The following MLXIP variants were observed in gnomAD, a reference collection of about 807,000 sequenced individuals.
MLXIP encodes MLX interacting protein.
MLXIP carries 30 observed loss-of-function variants against 87.2 expected under a neutral mutation model. That is an observed-to-expected ratio of 0.34 (90% CI 0.26 to 0.47). The LOEUF (loss-of-function observed/expected upper bound fraction) is 0.47. Among genes scored for constraint, MLXIP ranks in the 20% least tolerant of loss-of-function variants. The pLI is 1.00. For synonymous variants in MLXIP, 530 were observed against 514.0 expected, an observed-to-expected ratio of 1.03 and a Z score of -0.42; for missense variants, 1,002 against 1,240.1, an observed-to-expected ratio of 0.81 and a Z score of 2.88.
At chr12:122,121,096 G>A (rs1219655100) in intron 1 of MLXIP, among the ~76,000 whole-genome samples, 7 of 137,700 alleles carry the variant, frequency 5.1e-5, no homozygotes, top group Non-Finnish European at 9.1e-5. Context: ...TGCAACCTCC[G>A]CCTCCCAGGT....
Position 122,137,411 on chromosome 12 carries a change from C to A in MLXIP, c.2033-58C>A. ...TAACCCTGCAGAGACCCCAGGCTGC[C>A]TCCTGGTGGCGTTGAGGGGCCAGGC... On this transcript the variant is annotated intron_variant, in intron 11 of 16. Coordinates refer to ENST00000319080, the MANE Select transcript of MLXIP (RefSeq NM_014938.6). This position sits in a 1 kb window ranked among gnomAD's most constrained non-coding sequence, Gnocchi z 4.1. 2 of 1,573,788 alleles carry A rather than the reference C, an allele frequency of 1.3e-6. No homozygotes were observed. The highest frequency in any genetic ancestry group is 8.6e-7 in the Non-Finnish European group (1 of 1,160,390).
intron 5 of MLXIP, 66 bp from the exon 6 acceptor site, chr12:122,129,875 G>A (rs894952377): frequency 7.1e-6 from 11 of 1,549,454 alleles, no homozygotes; most frequent in Admixed American, 5.4e-5. Context: ...CAGGTGACAG[G>A]CGTGGGAATT....
chr12:122,139,130 A>G lies in MLXIP; in HGVS notation c.2508+192A>G, dbSNP rs563572661. ...CCTGCTGTGTGGGCTGGAGGTGCTG[A>G]TGGGGCTTCAGGGTGCTTTGCAGGA... On this transcript the variant is annotated intron_variant, in intron 15 of 16. Coordinates refer to ENST00000319080, the MANE Select transcript of MLXIP (RefSeq NM_014938.6). The G allele has an allele frequency of 2.7e-5, 11 of 414,318 alleles. No homozygotes were observed. The South Asian group carries it at 1.1e-3, about 41-fold the overall frequency. 25.7% of individuals were successfully genotyped at this position (414,318 alleles called of 1,614,324 possible).
At chr12:122,097,853 C>CA (rs199868084) in intron 1 of MLXIP, among the ~76,000 whole-genome samples, 8 of 151,824 alleles carry the variant, frequency 5.3e-5, no homozygotes, top group East Asian at 1.9e-4. Flanking sequence ...GGTTCCCCCT[C>CA]CCCACAAGAA....
intron 1 of MLXIP, among the ~76,000 whole-genome samples, chr12:122,099,977 CCCG>C (rs1952413244): frequency 6.6e-6 from 1 of 152,130 alleles, no homozygotes; most frequent in Non-Finnish European, 1.5e-5. Flanking sequence ...GTGGTTATAC[CCCG>C]ACATTTGAAG....
At chr12:122,136,741 C>T (rs556064322) in intron 11 of MLXIP, 1 of 152,296 alleles carries the variant, frequency 6.6e-6, no homozygotes, top group Non-Finnish European at 1.5e-5. Context: ...TGGGCTCAGC[C>T]AGCAGGGGCC....
chr12:122,134,120 TAAATG>T (rs1319078230), intron 9 of MLXIP, 133 bp downstream of exon 9: 5 of 1,049,382 alleles, frequency 4.8e-6, no homozygotes, highest in Admixed American at 6.5e-5. Flanking sequence ...CACATACACT[TAAATG>T]AAACAAAAGT....
intron 1 of MLXIP, among the ~76,000 whole-genome samples, chr12:122,116,865 G>A (rs1339302331): frequency 6.6e-6 from 1 of 152,202 alleles, no homozygotes; most frequent in African/African-American, 2.4e-5. Flanking sequence ...GGCCAGAAAT[G>A]GAACCACTCT....
intron 1 of MLXIP, among the ~76,000 whole-genome samples, chr12:122,109,302 G>A (rs534718673): frequency 3.3e-5 from 5 of 152,264 alleles, no homozygotes; most frequent in Non-Finnish European, 5.9e-5. Flanking sequence ...CTCCTGACCT[G>A]AAGTGATCCG....
At chr12:122,096,912 G>T (rs1270450858) in intron 1 of MLXIP, among the ~76,000 whole-genome samples, 1 of 152,230 alleles carries the variant, frequency 6.6e-6, no homozygotes, top group Non-Finnish European at 1.5e-5. Flanking sequence ...GAATGCTGCG[G>T]GTACATGTCC....
rs745833122 is a variant in MLXIP at position 122,135,698 on chromosome 12, A to T, written c.2032+32A>T. 2 of 1,459,442 alleles carry T rather than the reference A, an allele frequency of 1.4e-6. No individual in the cohort carries two copies. The highest frequency in any genetic ancestry group is 1.8e-6 in the Non-Finnish European group (2 of 1,107,046). The allele number at this position is 1,459,442 out of a possible 1,614,324, so 90.4% of individuals were successfully genotyped here. On this transcript the variant is annotated intron_variant, in intron 11 of 16. Coordinates refer to ENST00000319080, the MANE Select transcript of MLXIP (RefSeq NM_014938.6). The surrounding 1 kb of genome is among the most constrained non-coding windows in gnomAD (Gnocchi z 5.3). ...GTTCACTCGGCGGGATGGTTGGGGC[A>T]TCGCAAGGGAAGTAACTGGGCCTGC...
At chr12:122,130,223 G>A (rs141974081) in intron 6 of MLXIP, 111 bp downstream of exon 6, 26,341 of 1,132,036 alleles carry the variant, frequency 0.023, 392 homozygotes, top group Non-Finnish European at 0.028. Flanking sequence ...TGCACGTCAC[G>A]GTTGGGGGCA....
At chr12:122,128,145 G>A (rs889313888) in intron 3 of MLXIP, 177 bp downstream of exon 3, 7 of 591,434 alleles carry the variant, frequency 1.2e-5, no homozygotes, top group Non-Finnish European at 2.1e-5. Context: ...GCAACCCCAG[G>A]CTGCAGAGCC....
chr12:122,101,191 G>A (rs1435934430), intron 1 of MLXIP, among the ~76,000 whole-genome samples: 1 of 152,162 alleles, frequency 6.6e-6, no homozygotes, highest in Non-Finnish European at 1.5e-5. Context: ...TTCTGTGGAG[G>A]TTCTTTTCCT....
At chr12:122,113,026 A>G (rs1952628608) in intron 1 of MLXIP, among the ~76,000 whole-genome samples, 2 of 152,244 alleles carry the variant, frequency 1.3e-5, no homozygotes, top group Non-Finnish European at 2.9e-5. Flanking sequence ...TGTTTATCAC[A>G]GCATTGTTTA....
chr12:122,102,066 G>A (rs1952446803), intron 1 of MLXIP, among the ~76,000 whole-genome samples: 1 of 152,092 alleles, frequency 6.6e-6, no homozygotes, highest in Non-Finnish European at 1.5e-5. Context: ...TCTCAAAAGT[G>A]AAACTACAAG....
At chr12:122,126,574 G>A (rs1336686459) in intron 1 of MLXIP, among the ~76,000 whole-genome samples, 3 of 152,138 alleles carry the variant, frequency 2.0e-5, no homozygotes, top group Non-Finnish European at 1.5e-5. Context: ...TGGGATGCTC[G>A]GGTACTTGGA....
At chr12:122,093,149 T>G (rs1952274316) in intron 1 of MLXIP, among the ~76,000 whole-genome samples, 1 of 146,290 alleles carries the variant, frequency 6.8e-6, no homozygotes, top group Non-Finnish European at 1.5e-5. Context: ...ATGTGTGTGT[T>G]GGCGTGTAGG....
At chr12:122,098,814 C>T (rs1242416686) in intron 1 of MLXIP, among the ~76,000 whole-genome samples, 1 of 152,236 alleles carries the variant, frequency 6.6e-6, no homozygotes, top group Non-Finnish European at 1.5e-5. Flanking sequence ...GGCTTCTCTT[C>T]TTCCACCTCT....
Sources: allele counts gnomAD v4.1 joint callset (sites outside exome capture counted in the v4.1 genomes callset), GRCh38; gene constraint gnomAD v4.1.1; non-coding constraint Gnocchi (gnomAD v3.1); transcripts MANE v1.5; gene names NCBI Gene and HGNC (gene_info 2026-07-23, HGNC 2026-07-21).